Variants in GRIK4 observed in about 807,000 individuals in gnomAD.
The protein encoded by GRIK4 is glutamate ionotropic receptor kainate type subunit 4, also known as glutamate receptor ionotropic, kainate 4.
In GRIK4, 40 loss-of-function variants were observed where a neutral mutation model predicts 104.9. That is an observed-to-expected ratio of 0.38 (90% CI 0.30 to 0.50). GRIK4 has a LOEUF of 0.50. Among genes scored for constraint, GRIK4 ranks in the 20% least tolerant of loss-of-function variants. The probability of loss-of-function intolerance (pLI) is 0.93; values close to 1 mark genes in which losing one functional copy is unlikely to be tolerated. For missense variants in GRIK4, 1,047 were observed against 1,308.1 expected (o/e 0.80, Z 3.08); for synonymous variants, 485 against 524.9 (o/e 0.92, Z 1.04).
intron 6 of GRIK4, among the ~76,000 whole-genome samples, chr11:120,823,286 C>T (rs1202779682): frequency 6.6e-6 from 1 of 152,212 alleles, no homozygotes; most frequent in African/African-American, 2.4e-5. Context: ...TTTTGGGAAA[C>T]AGGTTGCTCA....
chr11:120,778,406 T>G (rs1017537803), intron 3 of GRIK4, among the ~76,000 whole-genome samples: 10 of 152,382 alleles, frequency 6.6e-5, no homozygotes, highest in Admixed American at 2.0e-4. Flanking sequence ...TTTATATCCC[T>G]ATGCCTTATA....
At chr11:120,657,878 C>T (rs984332252) in intron 2 of GRIK4, among the ~76,000 whole-genome samples, 3 of 152,154 alleles carry the variant, frequency 2.0e-5, no homozygotes, top group Non-Finnish European at 4.4e-5. Flanking sequence ...GTTTACAGCT[C>T]AGTGATCTTT....
At chr11:120,732,726 G>A (rs1303935692) in intron 3 of GRIK4, among the ~76,000 whole-genome samples, 5 of 152,146 alleles carry the variant, frequency 3.3e-5, no homozygotes, top group Admixed American at 3.3e-4. Context: ...CAATTTCATT[G>A]AATGTTTTAA....
intron 5 of GRIK4, among the ~76,000 whole-genome samples, chr11:120,815,777 G>A (rs898914265): frequency 3.9e-5 from 6 of 152,134 alleles, no homozygotes; most frequent in Non-Finnish European, 7.4e-5. Flanking sequence ...GGAGAGGCTG[G>A]AGAGGCTGAT....
intron 3 of GRIK4, among the ~76,000 whole-genome samples, chr11:120,704,416 C>T (rs1161622831): frequency 1.3e-5 from 2 of 152,204 alleles, no homozygotes; most frequent in African/African-American, 2.4e-5. Flanking sequence ...CTGAATGAGA[C>T]ATGACCCAGG....
In GRIK4 at chr11:120,953,054, G is replaced by A. The variant is rs1239125937; in HGVS notation, c.1700+90G>A. 2.5e-6 allele frequency: 2 copies of A among 813,518 alleles called. No individual in the cohort carries two copies. Among genetic ancestry groups the A allele is most frequent in the Admixed American group, 2.0e-5 (1 of 50,358 alleles). 50.4% of individuals were successfully genotyped at this position (813,518 alleles called of 1,614,324 possible). On this transcript the variant is annotated intron_variant, in intron 15 of 20. Coordinates refer to ENST00000527524, the MANE Select transcript of GRIK4 (RefSeq NM_014619.5). This position sits in a 1 kb window ranked among gnomAD's most constrained non-coding sequence, Gnocchi z 4.9. Reference sequence around the variant, plus strand: ...GGGGAGGGGGTGGGGAGGAGGAGAGGGGGAGGAGGAGTTGGGAAGATCTTG... The same window carrying A: ...GGGGAGGGGGTGGGGAGGAGGAGAGAGGGAGGAGGAGTTGGGAAGATCTTG...
chr11:120,894,472 C>CT (rs1942513748), intron 11 of GRIK4: 1 of 152,210 alleles, frequency 6.6e-6, no homozygotes, highest in East Asian at 1.9e-4. Context: ...CAGAGGGGTG[C>CT]TTTTTTCTTA....
At chr11:120,909,668 TTGA>T (rs1396764759) in intron 13 of GRIK4, among the ~76,000 whole-genome samples, 1 of 152,150 alleles carries the variant, frequency 6.6e-6, no homozygotes, top group Non-Finnish European at 1.5e-5. Context: ...GCAATGAAGG[TTGA>T]TATAAAGGAG....
At chr11:120,712,606 A>G (rs1189862125) in intron 3 of GRIK4, among the ~76,000 whole-genome samples, 2 of 150,394 alleles carry the variant, frequency 1.3e-5, no homozygotes, top group African/African-American at 4.9e-5. Flanking sequence ...TGGCCAACAT[A>G]GTAAGACCCT....
intron 1 of GRIK4, among the ~76,000 whole-genome samples, chr11:120,539,156 C>T (rs1398108034): frequency 1.3e-5 from 2 of 152,132 alleles, no homozygotes; most frequent in African/African-American, 4.8e-5. Flanking sequence ...TCAAAGGGAC[C>T]AGCTTGCTCC....
intron 9 of GRIK4, among the ~76,000 whole-genome samples, chr11:120,864,528 T>C (rs199696792): frequency 4.6e-5 from 7 of 152,082 alleles, no homozygotes; most frequent in South Asian, 2.1e-4. Context: ...GCGTGAGCCA[T>C]CATTCCAGTA....
chr11:120,929,066 A>G (rs535327833), intron 13 of GRIK4, among the ~76,000 whole-genome samples: 1 of 151,898 alleles, frequency 6.6e-6, no homozygotes, highest in Admixed American at 6.5e-5. Flanking sequence ...CAGGTGAACA[A>G]TTGGGTGCTA....
intron 3 of GRIK4, among the ~76,000 whole-genome samples, chr11:120,690,274 G>A (rs1041725668): frequency 1.3e-5 from 2 of 152,212 alleles, no homozygotes; most frequent in Non-Finnish European, 2.9e-5. Context: ...TGAGAGCATG[G>A]TAAGATGTTT....
At position 120,951,161 on chromosome 11, in the gene GRIK4, C is replaced by T. The variant is rs565421434; in HGVS notation, c.1591-1694C>T. 3.2e-4 allele frequency among the ~76,000 whole-genome samples: 49 copies of T among 152,316 alleles called. 1 individual carries two copies. In the South Asian group the frequency reaches 9.3e-3, roughly 29 times the overall value. ...AGAGGATGAGTATTTCCATCCTCTCCGTGTACCCTCCAAAGAGGAAAGTAA... is the reference window on the plus strand; with the variant it reads ...AGAGGATGAGTATTTCCATCCTCTCTGTGTACCCTCCAAAGAGGAAAGTAA... On this transcript the variant is annotated intron_variant, in intron 14 of 20. Coordinates refer to ENST00000527524, the MANE Select transcript of GRIK4 (RefSeq NM_014619.5).
Position 120,513,970 on chromosome 11 carries a change from C to T in GRIK4, c.-159+2083C>T, listed in dbSNP as rs1471192922. 2.0e-5 allele frequency among the ~76,000 whole-genome samples: 3 copies of T among 152,058 alleles called. No homozygotes were observed. Among genetic ancestry groups the T allele is most frequent in the Non-Finnish European group, 2.9e-5 (2 of 68,018 alleles). On this transcript the variant is annotated intron_variant, in intron 1 of 20. Coordinates refer to ENST00000527524, the MANE Select transcript of GRIK4 (RefSeq NM_014619.5). This position sits in a 1 kb window ranked among gnomAD's most constrained non-coding sequence, Gnocchi z 4.5. ...TAGGATGGAGAGGGAACTTTAGTAC[C>T]GGGAGAGAGGCAGAGACTCTAGGAG...
chr11:120,722,167 G>A (rs908608179), intron 3 of GRIK4, among the ~76,000 whole-genome samples: 3 of 152,198 alleles, frequency 2.0e-5, no homozygotes, highest in African/African-American at 7.2e-5. Flanking sequence ...CACACAAAGG[G>A]TGTGGATCCC....
intron 1 of GRIK4, among the ~76,000 whole-genome samples, chr11:120,525,569 C>A (rs942671372): frequency 6.6e-6 from 1 of 152,182 alleles, no homozygotes; most frequent in Non-Finnish European, 1.5e-5. Flanking sequence ...AGGGGTGTTA[C>A]AGAAACCATA....
intron 11 of GRIK4, among the ~76,000 whole-genome samples, chr11:120,883,680 A>G (rs1252808140): frequency 1.3e-5 from 2 of 152,228 alleles, no homozygotes; most frequent in African/African-American, 4.8e-5. Context: ...GCAGAAGCTT[A>G]TTCACACATC....
chr11:120,539,207 G>A (rs1948007735), intron 1 of GRIK4, among the ~76,000 whole-genome samples: 1 of 152,212 alleles, frequency 6.6e-6, no homozygotes, highest in African/African-American at 2.4e-5. Context: ...ATGCTGGGTG[G>A]TTTTGGGGGG....
Sources: allele counts gnomAD v4.1 joint callset (sites outside exome capture counted in the v4.1 genomes callset), GRCh38; gene constraint gnomAD v4.1.1; non-coding constraint Gnocchi (gnomAD v3.1); transcripts MANE v1.5; gene names NCBI Gene and HGNC (gene_info 2026-07-23, HGNC 2026-07-21).